KIF2A: variants seen among roughly 807,000 people sequenced by gnomAD.
The protein encoded by KIF2A is kinesin-like protein KIF2A.
A neutral mutation model predicts 100.2 loss-of-function variants in KIF2A; 22 were observed. That is an observed-to-expected ratio of 0.22 (90% confidence interval 0.16 to 0.31). The LOEUF is 0.31. Ranked by LOEUF, KIF2A falls within the 10% of genes least tolerant of loss-of-function variation. The pLI, the probability that KIF2A is intolerant of heterozygous loss-of-function variation, is 1.00. For synonymous variants in KIF2A, 268 were observed against 285.9 expected (o/e 0.94, Z 0.63); for missense variants, 495 against 898.7 (o/e 0.55, Z 5.74).
chr5:62,383,947 G>A (rs145245301), intron 20 of KIF2A, among the ~76,000 whole-genome samples: 3 of 152,090 alleles, frequency 2.0e-5, no homozygotes, highest in African/African-American at 7.2e-5. Flanking sequence ...GATAAATTTG[G>A]GATTTATAAG....
chr5:62,328,466 G>C (rs1190850904), intron 1 of KIF2A, among the ~76,000 whole-genome samples: 1 of 152,026 alleles, frequency 6.6e-6, no homozygotes, highest in African/African-American at 2.4e-5. Flanking sequence ...CAAATATGCT[G>C]AACAACATCA....
chr5:62,350,569 C>T (rs1747798575), intron 4 of KIF2A, among the ~76,000 whole-genome samples: 1 of 152,088 alleles, frequency 6.6e-6, no homozygotes, highest in Non-Finnish European at 1.5e-5. Flanking sequence ...GCCACTGTGC[C>T]CAGCCTAGTG....
At chr5:62,377,032 G>A (rs1211489336) in intron 18 of KIF2A, among the ~76,000 whole-genome samples, 2 of 152,194 alleles carry the variant, frequency 1.3e-5, no homozygotes, top group East Asian at 3.9e-4. Context: ...AGATATAAGT[G>A]GACAAGCACT....
At chr5:62,327,612 C>T (rs1746443213) in intron 1 of KIF2A, among the ~76,000 whole-genome samples, 1 of 152,214 alleles carries the variant, frequency 6.6e-6, no homozygotes, top group South Asian at 2.1e-4. Flanking sequence ...TGACTTTAGC[C>T]TTTCTTGCCA....
chr5:62,319,882 T>C (rs1746016231), intron 1 of KIF2A, among the ~76,000 whole-genome samples: 1 of 152,104 alleles, frequency 6.6e-6, no homozygotes, highest in Admixed American at 6.6e-5. Flanking sequence ...CAAAATGATA[T>C]ATATGTATGT....
chr5:62,317,250 G>A (rs1051787042), intron 1 of KIF2A, among the ~76,000 whole-genome samples: 2 of 152,136 alleles, frequency 1.3e-5, no homozygotes, highest in Admixed American at 1.3e-4. Flanking sequence ...GTTTCTCCGT[G>A]TTGGTCAGGC....
intron 19 of KIF2A, 37 bp downstream of exon 19, chr5:62,377,799 T>C (rs1294953250): frequency 5.4e-6 from 6 of 1,103,668 alleles, no homozygotes; most frequent in Non-Finnish European, 7.9e-6. Context: ...AAATATTTCT[T>C]GAGATAAATT....
chr5:62,332,916 A>C (rs1403868231), intron 1 of KIF2A, among the ~76,000 whole-genome samples: 2 of 152,228 alleles, frequency 1.3e-5, no homozygotes, highest in Non-Finnish European at 2.9e-5. Flanking sequence ...AGCAGTAAGC[A>C]AAACAGGCTA....
Position 62,327,380 on chromosome 5 carries a change from G to T in KIF2A, c.65-19750G>T, listed in dbSNP as rs1017495407. On this transcript the variant is annotated intron_variant, in intron 1 of 20. Transcript: ENST00000407818. ...ATCTGTTTATGGGTTGTAGCCCTTCGGAGGGCCACAAACCATTGTAATATC... is the reference window on the plus strand; with the variant it reads ...ATCTGTTTATGGGTTGTAGCCCTTCTGAGGGCCACAAACCATTGTAATATC... Among the ~76,000 whole-genome samples, 3 of 152,084 alleles carry T rather than the reference G, an allele frequency of 2.0e-5. No individual in the cohort carries two copies. The East Asian group carries it at 5.8e-4, about 29-fold the overall frequency.
chr5:62,363,689 T>C lies in KIF2A; in HGVS notation c.1263-6T>C, dbSNP rs753187456. On this transcript the variant is annotated splice_region_variant and splice_polypyrimidine_tract_variant and intron_variant, in intron 13 of 20. Coordinates refer to ENST00000407818, the MANE Select transcript of KIF2A (RefSeq NM_001098511.3). ...ATGTATCAAGATGTCCTTAATCACATTGTAGAACATCCGGTCAAACATCTG... is the reference window on the plus strand; with the variant it reads ...ATGTATCAAGATGTCCTTAATCACACTGTAGAACATCCGGTCAAACATCTG... 13 of 1,611,198 alleles carry C rather than the reference T, an allele frequency of 8.1e-6. No individual in the cohort carries two copies. Among genetic ancestry groups the C allele is most frequent in the Middle Eastern group, 1.6e-4 (1 of 6,078 alleles).
intron 20 of KIF2A, among the ~76,000 whole-genome samples, chr5:62,382,709 A>G (rs998944628): frequency 3.3e-5 from 5 of 150,496 alleles, no homozygotes; most frequent in Non-Finnish European, 3.0e-5. Context: ...TCTCAGCTCA[A>G]TGCAACCTCT....
intron 1 of KIF2A, among the ~76,000 whole-genome samples, chr5:62,328,648 T>C (rs1310292795): frequency 1.3e-5 from 2 of 152,116 alleles, no homozygotes; most frequent in South Asian, 2.1e-4. Context: ...TGTGCCACCA[T>C]GCCTGTCTAA....
chr5:62,327,980 G>A (rs1197034931), intron 1 of KIF2A, among the ~76,000 whole-genome samples: 1 of 152,238 alleles, frequency 6.6e-6, no homozygotes, highest in African/African-American at 2.4e-5. Context: ...TAGCACTGCT[G>A]TATTGGTATG....
chr5:62,361,196 T>A, intron 9 of KIF2A, 46 bp from the exon 10 acceptor site: 2 of 1,024,364 alleles, frequency 2.0e-6, no homozygotes, highest in East Asian at 5.1e-5. Context: ...CTATTATTCA[T>A]CAAAATATTG....
intron 1 of KIF2A, among the ~76,000 whole-genome samples, chr5:62,319,371 A>G (rs972311622): frequency 1.3e-5 from 2 of 152,124 alleles, no homozygotes; most frequent in Non-Finnish European, 2.9e-5. Flanking sequence ...CTGCCTCTTC[A>G]GTCTTATTCT....
At chr5:62,381,298 G>GTA in intron 20 of KIF2A, 45 bp downstream of exon 20, 1 of 1,551,356 alleles carries the variant, frequency 6.4e-7, no homozygotes. Flanking sequence ...ATTGGTATTG[G>GTA]TATGTATATT....
chr5:62,372,774 T>G (rs1741379622), intron 17 of KIF2A, among the ~76,000 whole-genome samples: 2 of 152,190 alleles, frequency 1.3e-5, no homozygotes. Context: ...TATTTCCCCC[T>G]CATATTTTTA....
chr5:62,353,064 T>A, intron 5 of KIF2A: 1 of 448,362 alleles, frequency 2.2e-6, no homozygotes. Flanking sequence ...ATCAATATGT[T>A]TGAGTCATTT....
intron 18 of KIF2A, among the ~76,000 whole-genome samples, chr5:62,377,161 T>G (rs893898842): frequency 1.5e-5 from 2 of 136,582 alleles, no homozygotes; most frequent in Non-Finnish European, 3.2e-5. Flanking sequence ...TGTAGTATAT[T>G]TAAGAAATTA....
Sources: gnomAD v4.1 joint callset for allele counts (sites outside exome capture counted in the v4.1 genomes callset) on GRCh38, gnomAD v4.1.1 for gene constraint, MANE v1.5 for transcripts, NCBI Gene and HGNC (gene_info 2026-07-23, HGNC 2026-07-21) for gene names.